RBBP8: variants seen among roughly 807,000 people sequenced by gnomAD.
The protein encoded by RBBP8 is RB binding protein 8, endonuclease.
Under a neutral mutation model 108.3 loss-of-function variants are expected in RBBP8, and 88 were observed. That is an observed-to-expected ratio of 0.81 (90% CI 0.68 to 0.97). RBBP8 has a LOEUF of 0.97. RBBP8 is among the 50% of genes least tolerant of loss of function. The probability of loss-of-function intolerance (pLI) is 0.00; values close to 1 mark genes in which losing one functional copy is unlikely to be tolerated. For missense variants in RBBP8, 1,023 were observed against 1,049.0 expected (o/e 0.98, Z 0.34); for synonymous variants, 332 against 348.2 (o/e 0.95, Z 0.52).
intron 17 of RBBP8, among the ~76,000 whole-genome samples, chr18:23,017,637 G>C (rs1343758386): frequency 6.7e-6 from 1 of 148,254 alleles, no homozygotes; most frequent in African/African-American, 2.5e-5. Flanking sequence ...CTGGGCGAGA[G>C]AGCGAGACTC....
At chr18:22,998,131 C>G (rs1303690133) in intron 14 of RBBP8, among the ~76,000 whole-genome samples, 1 of 151,806 alleles carries the variant, frequency 6.6e-6, no homozygotes, top group African/African-American at 2.4e-5. Flanking sequence ...ATTTTCTGAC[C>G]CTTTAAGAAA....
At chr18:22,963,310 C>T (rs1370097974) in intron 4 of RBBP8, among the ~76,000 whole-genome samples, 11 of 151,964 alleles carry the variant, frequency 7.2e-5, no homozygotes, top group African/African-American at 2.4e-4. Flanking sequence ...TTGGTTAGAT[C>T]ACTATTGAGT....
In RBBP8 at chr18:23,023,869, C is replaced by CTTTTT. The variant is rs10655759; in HGVS notation, c.2596+1616_2596+1620dup. On this transcript the variant is annotated intron_variant, in intron 18 of 18. Transcript: ENST00000327155. ...TAATAGCTAGTTTTTATGAAGGGGCCTTTTTTTTTTTTTTTTTTTTTGAGA... is the reference window on the plus strand; with the variant it reads ...TAATAGCTAGTTTTTATGAAGGGGCCTTTTTTTTTTTTTTTTTTTTTTTTTTGAGA... Among the ~76,000 whole-genome samples, 570 of 86,094 alleles carry CTTTTT rather than the reference C, an allele frequency of 6.6e-3. 34 individuals carry two copies. The highest frequency in any genetic ancestry group is 0.031 in the Middle Eastern group (3 of 96). 56.5% of individuals were successfully genotyped at this position (86,094 alleles called of 152,430 possible).
chr18:22,970,918 A>G (rs1017574520), intron 5 of RBBP8, among the ~76,000 whole-genome samples: 6 of 152,210 alleles, frequency 3.9e-5, no homozygotes. Flanking sequence ...TCTATCCCCA[A>G]GAATATAAAA....
rs572977316 is a variant in RBBP8 at position 23,001,736 on chromosome 18, T to C, written c.2287+7T>C. 9.9e-6 allele frequency: 16 copies of C among 1,614,090 alleles called. No individual in the cohort carries two copies. The South Asian group carries it at 1.6e-4, about 17-fold the overall frequency. Reference sequence around the variant, plus strand: ...GCCACAAAGAAACTACACAGTAAGATTTTTTTCTGTTTAATTATGGCTTCT... The same window carrying C: ...GCCACAAAGAAACTACACAGTAAGACTTTTTTCTGTTTAATTATGGCTTCT... On this transcript the variant is annotated splice_region_variant and intron_variant, in intron 15 of 18. Coordinates refer to ENST00000327155, the MANE Select transcript of RBBP8 (RefSeq NM_002894.3).
rs1350798925 is a variant in RBBP8 at position 22,975,353 on chromosome 18, TA to T, written c.428+135del. On this transcript the variant is annotated intron_variant, in intron 6 of 18. Transcript: ENST00000327155. ...AGTTAAAAAATACAAAGAAAATCAC[TA>T]CATTTTTGTGTTTTGAGAGTATAGT... 3.1e-5 allele frequency: 42 copies of T among 1,335,960 alleles called. 1 individual carries two copies. The East Asian group carries it at 1.0e-3, about 32-fold the overall frequency. 82.8% of individuals were successfully genotyped at this position (1,335,960 alleles called of 1,614,324 possible).
chr18:22,994,641 C>T (rs1276579591), intron 12 of RBBP8, among the ~76,000 whole-genome samples: 9 of 138,088 alleles, frequency 6.5e-5, no homozygotes, highest in South Asian at 2.3e-4. Flanking sequence ...AGCAAGACTC[C>T]GTCTCAAAAA....
intron 17 of RBBP8, among the ~76,000 whole-genome samples, chr18:23,018,014 G>A (rs1028310734): frequency 6.6e-6 from 1 of 151,934 alleles, no homozygotes; most frequent in African/African-American, 2.4e-5. Context: ...CCAAAGTTCT[G>A]GGATTACAGA....
intron 16 of RBBP8, among the ~76,000 whole-genome samples, chr18:23,016,273 A>G (rs2046253851): frequency 6.6e-6 from 1 of 151,982 alleles, no homozygotes. Flanking sequence ...GCCTGGGCAC[A>G]GTGGCTCACG....
chr18:22,994,646 C>CAAA (rs201468478), intron 12 of RBBP8, among the ~76,000 whole-genome samples: 1 of 109,186 alleles, frequency 9.2e-6, no homozygotes. Flanking sequence ...GACTCCGTCT[C>CAAA]AAAAAAAAAA....
At chr18:22,954,943 TC>T (rs771117815) in intron 4 of RBBP8, among the ~76,000 whole-genome samples, 28 of 152,228 alleles carry the variant, frequency 1.8e-4, no homozygotes, top group Non-Finnish European at 3.4e-4. Context: ...TCCTACCAGA[TC>T]CCTCCCTCCT....
At chr18:23,023,869 C>CTTTTTTTTTTTTT (rs10655759) in intron 18 of RBBP8, among the ~76,000 whole-genome samples, 1 of 86,118 alleles carries the variant, frequency 1.2e-5, no homozygotes, top group Non-Finnish European at 2.0e-5. Context: ...ATGAAGGGGC[C>CTTTTTTTTTTTTT]TTTTTTTTTT....
chr18:23,022,341 C>G (rs979755013), intron 18 of RBBP8, 71 bp downstream of exon 18: 38 of 1,452,232 alleles, frequency 2.6e-5, no homozygotes, highest in Non-Finnish European at 3.4e-5. Flanking sequence ...TGGCTCACGC[C>G]TATAATCCCA....
chr18:22,960,651 A>C (rs1567961733), intron 4 of RBBP8, among the ~76,000 whole-genome samples: 3 of 152,118 alleles, frequency 2.0e-5, no homozygotes, highest in Non-Finnish European at 4.4e-5. Flanking sequence ...GCTGGGGCGC[A>C]GTAGTGCAAT....
chr18:23,020,253 C>T (rs6507436), intron 17 of RBBP8, among the ~76,000 whole-genome samples: 118,513 of 151,350 alleles, frequency 0.78, 46,649 homozygotes, highest in Middle Eastern at 0.92. Flanking sequence ...AAACCCTGTC[C>T]CTACTAATAA....
intron 5 of RBBP8, among the ~76,000 whole-genome samples, chr18:22,969,672 C>G (rs1285170927): frequency 6.6e-6 from 1 of 152,090 alleles, no homozygotes; most frequent in Non-Finnish European, 1.5e-5. Flanking sequence ...GAGGTAACTA[C>G]TGTTAATAGT....
intron 6 of RBBP8, 145 bp downstream of exon 6, chr18:22,975,364 G>A: frequency 8.0e-7 from 1 of 1,256,158 alleles, no homozygotes; most frequent in East Asian, 2.7e-5. Flanking sequence ...ACATTTTTGT[G>A]TTTTGAGAGT....
chr18:22,945,025 T>C lies in RBBP8; in HGVS notation c.110-1419T>C, dbSNP rs995173155. On this transcript the variant is annotated intron_variant, in intron 2 of 18. Transcript: ENST00000327155. Reference sequence around the variant, plus strand: ...GTTTCTATACACATATATGAAAAACTTTTCTGATTTATAACTTGATAGAAT... The same window carrying C: ...GTTTCTATACACATATATGAAAAACCTTTCTGATTTATAACTTGATAGAAT... Among the ~76,000 whole-genome samples the C allele has an allele frequency of 3.3e-5, 5 of 152,220 alleles. No individual in the cohort carries two copies. In the South Asian group the frequency reaches 1.0e-3, roughly 31 times the overall value.
chr18:23,022,991 C>T (rs1177015502), intron 18 of RBBP8, among the ~76,000 whole-genome samples: 1 of 151,818 alleles, frequency 6.6e-6, no homozygotes, highest in African/African-American at 2.4e-5. Flanking sequence ...ATGCCTCCGA[C>T]TTATGGGCTC....
Sources: gnomAD v4.1 joint callset for allele counts (sites outside exome capture counted in the v4.1 genomes callset) on GRCh38, gnomAD v4.1.1 for gene constraint, MANE v1.5 for transcripts, NCBI Gene and HGNC (gene_info 2026-07-23, HGNC 2026-07-21) for gene names.